RTN3: variants seen among roughly 807,000 people sequenced by gnomAD.
The protein encoded by RTN3 is reticulon 3.
Under a neutral mutation model 77.8 loss-of-function variants are expected in RTN3, and 49 were observed. That is an observed-to-expected ratio of 0.63 (90% confidence interval 0.50 to 0.80). The LOEUF (loss-of-function observed/expected upper bound fraction) is 0.80. Ranked by LOEUF, RTN3 falls within the 30% of genes least tolerant of loss-of-function variation. The probability of loss-of-function intolerance (pLI) is 0.00; values close to 1 mark genes in which losing one functional copy is unlikely to be tolerated. For synonymous variants in RTN3, 464 were observed against 446.9 expected, an observed-to-expected ratio of 1.04 and a Z score of -0.48; for missense variants, 1,236 against 1,211.9, an observed-to-expected ratio of 1.02 and a Z score of -0.29.
Position 63,719,983 on chromosome 11 carries a change from C to T in RTN3, c.1481C>T (p.Ala494Val). The change falls in exon 3 of 9, where the codon GCT becomes GTT. Residue 494 changes from alanine (A) to valine (V), a missense_variant. By Grantham distance (64) the Ala-to-Val change is moderately conservative (BLOSUM62 0). Transcript: ENST00000377819. ...TCTGCATTGGGAGAAATCACAGAAG[C>T]TGATAGTTCTGGTGAGTCTGATGAC... The part of the protein sequence containing the change: ...QSSALGEITE[A>V]DSSGESDDTV... 6.2e-7 allele frequency: 1 copy of T among 1,614,132 alleles called. No individual in the cohort carries two copies. The highest frequency in any genetic ancestry group is 1.3e-5 in the African/African-American group (1 of 75,044).
intron 2 of RTN3, among the ~76,000 whole-genome samples, chr11:63,705,749 C>T (rs934132127): frequency 1.2e-4 from 18 of 152,172 alleles, no homozygotes; most frequent in Admixed American, 1.1e-3. Context: ...TTTTGGCAAG[C>T]AAGGCTTCTT....
At chr11:63,705,106 C>A (rs565718647) in intron 2 of RTN3, among the ~76,000 whole-genome samples, 199 bp downstream of exon 2, 5 of 152,142 alleles carry the variant, frequency 3.3e-5, no homozygotes, top group Admixed American at 6.6e-5. Flanking sequence ...GCTGGGTGGA[C>A]CCTGTAACAT....
intron 2 of RTN3, among the ~76,000 whole-genome samples, chr11:63,706,538 A>G (rs1942502181): frequency 6.6e-6 from 1 of 151,886 alleles, no homozygotes; most frequent in East Asian, 1.9e-4. Flanking sequence ...TGACATTAGA[A>G]CCCCCAATTC....
chr11:63,681,559 C>T lies in RTN3; in HGVS notation c.-78C>T, dbSNP rs1941036314. ...TAAAGGGACTTGAGCGAGCCAGTTGCCGGATTATTCTATTTCCCCTCCCTC... is the reference window on the plus strand; with the variant it reads ...TAAAGGGACTTGAGCGAGCCAGTTGTCGGATTATTCTATTTCCCCTCCCTC... On this transcript the variant is annotated 5_prime_UTR_variant, in exon 1 of 9. Coordinates refer to ENST00000377819, the MANE Select transcript of RTN3 (RefSeq NM_001265589.2). 1.4e-6 allele frequency: 2 copies of T among 1,421,868 alleles called. No individual in the cohort carries two copies. The highest frequency in any genetic ancestry group is 1.9e-6 in the Non-Finnish European group (2 of 1,061,872). 88.1% of individuals were successfully genotyped at this position (1,421,868 alleles called of 1,614,324 possible).
At chr11:63,733,673 C>G (rs1323517436) in intron 3 of RTN3, among the ~76,000 whole-genome samples, 6 of 151,114 alleles carry the variant, frequency 4.0e-5, no homozygotes, top group Non-Finnish European at 4.4e-5. Flanking sequence ...AGTTCAAGAC[C>G]AGCCTGGACA....
In RTN3 at chr11:63,726,070, A is replaced by G. The variant is rs1299176837; in HGVS notation, c.2530+5038A>G. ...TTCCATAAAGAAAAAAAATGAATCT[A>G]TATACCTACATATACAGGGAATCTG... On this transcript the variant is annotated intron_variant, in intron 3 of 8. Transcript: ENST00000377819. 3.9e-5 allele frequency among the ~76,000 whole-genome samples: 6 copies of G among 152,358 alleles called. No individual in the cohort carries two copies. The East Asian group carries it at 1.2e-3, about 29-fold the overall frequency.
In RTN3 at chr11:63,759,798, TA is replaced by T. The variant is rs1241352626; in HGVS notation, c.*1602del. ...TGTGTACGTGTCTGTGCGTGCAACA[TA>T]AAAATACAGTAGCACCTAAGGAGCT... On this transcript the variant is annotated 3_prime_UTR_variant, in exon 9 of 9. Coordinates refer to ENST00000377819, the MANE Select transcript of RTN3 (RefSeq NM_001265589.2). 1.3e-5 allele frequency: 2 copies of T among 151,172 alleles called. No individual in the cohort carries two copies. The highest frequency in any genetic ancestry group is 2.9e-5 in the Non-Finnish European group (2 of 67,872). The allele number at this position is 151,172 out of a possible 1,614,324, so 9.4% of individuals were successfully genotyped here.
chr11:63,752,725 A>G lies in RTN3; in HGVS notation c.2877+80A>G, dbSNP rs913787815. ...ATAATTTGGAGGAAAAACAGTACAT[A>G]GGATTTTATCAGACAAAAATGAACG... On this transcript the variant is annotated intron_variant, in intron 5 of 8. Coordinates refer to ENST00000377819, the MANE Select transcript of RTN3 (RefSeq NM_001265589.2). 9 of 1,459,524 alleles carry G rather than the reference A, an allele frequency of 6.2e-6. No individual in the cohort carries two copies. The African/African-American group carries it at 1.3e-4, about 21-fold the overall frequency. 90.4% of individuals were successfully genotyped at this position (1,459,524 alleles called of 1,614,324 possible). A position where few individuals can be genotyped will look rare whatever the true frequency, so the allele number is the denominator to read the frequency against.
chr11:63,688,651 A>G (rs1207100417), intron 1 of RTN3, among the ~76,000 whole-genome samples: 1 of 152,130 alleles, frequency 6.6e-6, no homozygotes, highest in African/African-American at 2.4e-5. Flanking sequence ...TGTCATTTCT[A>G]AGGGGTTGTT....
intron 2 of RTN3, among the ~76,000 whole-genome samples, chr11:63,708,317 G>A (rs538217714): frequency 7.2e-4 from 110 of 151,930 alleles, no homozygotes; most frequent in African/African-American, 2.6e-3. Flanking sequence ...ATCATATTAA[G>A]CAATATGTAG....
rs572109077 is a variant in RTN3, at chr11:63,726,459, G to A, written c.2530+5427G>A. The stretch of plus-strand genomic sequence containing the variant: ...AGGAATCTTGGAAGGGAGAGATCCA[G>A]AGAGTGACAGCCTAAAATTCTGTAG... On this transcript the variant is annotated intron_variant, in intron 3 of 8. Transcript: ENST00000377819. 2.0e-5 allele frequency among the ~76,000 whole-genome samples: 3 copies of A among 152,350 alleles called. No individual in the cohort carries two copies. In the South Asian group the frequency reaches 6.2e-4, roughly 32 times the overall value.
chr11:63,689,244 A>G (rs1590776060), intron 1 of RTN3, among the ~76,000 whole-genome samples: 2 of 152,198 alleles, frequency 1.3e-5, no homozygotes, highest in African/African-American at 4.8e-5. Context: ...TTTTTAGACA[A>G]AAATTAGCAG....
chr11:63,718,547 G>A (rs1027485972), intron 2 of RTN3, among the ~76,000 whole-genome samples, 155 bp from the exon 3 acceptor site: 1 of 152,024 alleles, frequency 6.6e-6, no homozygotes, highest in Middle Eastern at 3.4e-3. Flanking sequence ...TAACTTGATC[G>A]TTTTGTTACA....
intron 1 of RTN3, among the ~76,000 whole-genome samples, chr11:63,683,109 C>T (rs1941153952): frequency 2.6e-5 from 4 of 152,078 alleles, no homozygotes; most frequent in Admixed American, 2.6e-4. Context: ...AGTGAATTTT[C>T]ACCTGTCTGA....
At chr11:63,748,661 CTTTTTTT>C (rs561644667) in intron 3 of RTN3, among the ~76,000 whole-genome samples, 1 of 105,884 alleles carries the variant, frequency 9.4e-6, no homozygotes, top group Non-Finnish European at 1.9e-5. Context: ...GCCCCACTCA[CTTTTTTT>C]TTTTTTTTTT....
chr11:63,709,924 T>C (rs1172571618), intron 2 of RTN3, among the ~76,000 whole-genome samples: 1 of 152,214 alleles, frequency 6.6e-6, no homozygotes, highest in African/African-American at 2.4e-5. Flanking sequence ...GTAATGAATT[T>C]CTTAGGTGAG....
At chr11:63,721,539 C>G (rs1276914045) in intron 3 of RTN3, among the ~76,000 whole-genome samples, 2 of 147,970 alleles carry the variant, frequency 1.4e-5, no homozygotes, top group Non-Finnish European at 3.0e-5. Context: ...CGCGCCAGTA[C>G]ACTCCAGCCT....
At chr11:63,732,408 C>T (rs1230845218) in intron 3 of RTN3, among the ~76,000 whole-genome samples, 1 of 151,730 alleles carries the variant, frequency 6.6e-6, no homozygotes, top group Non-Finnish European at 1.5e-5. Context: ...CTCCTGGCCT[C>T]AAGTGATCCT....
intron 6 of RTN3, among the ~76,000 whole-genome samples, chr11:63,753,376 G>A (rs1175805728): frequency 6.6e-5 from 10 of 152,188 alleles, no homozygotes; most frequent in Non-Finnish European, 1.0e-4. Flanking sequence ...TCTAGATTTG[G>A]TTTACGTATG....
Sources: gnomAD v4.1 joint callset for allele counts (sites outside exome capture counted in the v4.1 genomes callset) on GRCh38, gnomAD v4.1.1 for gene constraint, MANE v1.5 for transcripts, NCBI Gene and HGNC (gene_info 2026-07-23, HGNC 2026-07-21) for gene names.